Variants in CBLN2 observed in about 807,000 individuals in gnomAD.
The protein encoded by CBLN2 is cerebellin 2 precursor, also known as cerebellin-2.
Under a neutral mutation model 15.0 loss-of-function variants are expected in CBLN2, and 7 were observed. The ratio of observed to expected loss-of-function variants is 0.47; its 90% CI spans 0.27 to 0.88. CBLN2 has a LOEUF of 0.88. Ranked by LOEUF, CBLN2 falls within the 40% of genes least tolerant of loss-of-function variation. CBLN2 has a pLI of 0.14. For missense variants in CBLN2, 242 were observed against 304.5 expected (o/e 0.79, Z 1.53); for synonymous variants, 149 against 135.2 (o/e 1.10, Z -0.71).
chr18:72,622,782 G>A (rs1186475927), intron 1 of CBLN2, among the ~76,000 whole-genome samples: 1 of 152,100 alleles, frequency 6.6e-6, no homozygotes, highest in Non-Finnish European at 1.5e-5. Context: ...AGGTCTCAAT[G>A]GAAAACCGTG....
At chr18:72,585,693 C>T (rs934211962) in intron 1 of CBLN2, among the ~76,000 whole-genome samples, 1 of 152,330 alleles carries the variant, frequency 6.6e-6, no homozygotes, top group East Asian at 1.9e-4. Flanking sequence ...CCCCTTTCCA[C>T]CCAGAAGCCT....
chr18:72,575,608 G>A (rs999292204), intron 1 of CBLN2, among the ~76,000 whole-genome samples: 2 of 152,162 alleles, frequency 1.3e-5, no homozygotes, highest in Non-Finnish European at 2.9e-5. Context: ...CCCTGTTTCA[G>A]AGGGCTGCCG....
intron 1 of CBLN2, among the ~76,000 whole-genome samples, chr18:72,563,015 T>A (rs1246840404): frequency 2.0e-5 from 3 of 152,236 alleles, no homozygotes; most frequent in Non-Finnish European, 2.9e-5. Flanking sequence ...TTTGTCTTAA[T>A]ATTTAGAGAA....
upstream of CBLN2, among the ~76,000 whole-genome samples, chr18:72,549,085 C>A (rs2069176648): frequency 6.6e-6 from 1 of 152,118 alleles, no homozygotes; most frequent in African/African-American, 2.4e-5. Flanking sequence ...AATCTCAGCT[C>A]ACTGCAGCCT....
At chr18:72,560,282 A>G (rs955753014) in intron 1 of CBLN2, among the ~76,000 whole-genome samples, 13 of 152,224 alleles carry the variant, frequency 8.5e-5, no homozygotes, top group African/African-American at 2.4e-4. Flanking sequence ...TGCACGTAGG[A>G]AAATAATTCT....
At chr18:72,567,943 C>T (rs1203615220) in intron 1 of CBLN2, among the ~76,000 whole-genome samples, 1 of 152,090 alleles carries the variant, frequency 6.6e-6, no homozygotes, top group Non-Finnish European at 1.5e-5. Flanking sequence ...GAAATAAAAG[C>T]CTATAATAAA....
At chr18:72,606,449 A>G (rs1352942102) in intron 1 of CBLN2, among the ~76,000 whole-genome samples, 2 of 152,202 alleles carry the variant, frequency 1.3e-5, no homozygotes, top group Non-Finnish European at 2.9e-5. Context: ...AAGCCCTAAG[A>G]TATAGACATA....
At chr18:72,555,176 GA>G (rs375146757) in intron 1 of CBLN2, among the ~76,000 whole-genome samples, 2 of 150,948 alleles carry the variant, frequency 1.3e-5, no homozygotes, top group Non-Finnish European at 3.0e-5. Flanking sequence ...GAGAGAGAGG[GA>G]AAAAAAAGCA....
chr18:72,574,815 T>A (rs768512751), intron 1 of CBLN2, among the ~76,000 whole-genome samples: 2 of 152,214 alleles, frequency 1.3e-5, no homozygotes, highest in Admixed American at 6.5e-5. Flanking sequence ...ATGTCATGAT[T>A]ACCATGAATC....
chr18:72,542,910 C>A (rs1307524130), intron 2 of CBLN2: 1 of 2,170 alleles, frequency 4.6e-4, no homozygotes, highest in Non-Finnish European at 1.1e-3. Flanking sequence ...GAAATGACAC[C>A]ACACACACAC....
intron 1 of CBLN2, among the ~76,000 whole-genome samples, chr18:72,596,681 C>T (rs1222529746): frequency 6.6e-6 from 1 of 152,124 alleles, no homozygotes; most frequent in Non-Finnish European, 1.5e-5. Context: ...GATATTTTTA[C>T]TGGATGTACT....
intron 1 of CBLN2, among the ~76,000 whole-genome samples, chr18:72,617,380 G>T (rs1006038149): frequency 1.3e-5 from 2 of 152,090 alleles, no homozygotes; most frequent in Middle Eastern, 3.2e-3. Context: ...ATGTAAATGT[G>T]TATGCTATAT....
At chr18:72,620,502 G>A (rs1232705581) in intron 1 of CBLN2, 1 of 152,280 alleles carries the variant, frequency 6.6e-6, no homozygotes, top group Non-Finnish European at 1.5e-5. Flanking sequence ...CTGAAGTCAA[G>A]TTTCTTCTTT....
At chr18:72,599,957 G>A (rs984231221) in intron 1 of CBLN2, among the ~76,000 whole-genome samples, 2 of 152,204 alleles carry the variant, frequency 1.3e-5, no homozygotes, top group Admixed American at 6.5e-5. Context: ...GAAGCTTGGA[G>A]AGTGGGACTG....
At chr18:72,619,652 G>A (rs553426418) in intron 1 of CBLN2, among the ~76,000 whole-genome samples, 25 of 152,216 alleles carry the variant, frequency 1.6e-4, no homozygotes, top group African/African-American at 6.0e-4. Flanking sequence ...TTGTACGATT[G>A]TTTTTTGCCC....
intron 1 of CBLN2, chr18:72,638,322 T>C (rs1382203705): frequency 7.5e-6 from 3 of 398,484 alleles, no homozygotes; most frequent in Non-Finnish European, 1.3e-5. Context: ...TTTTAACACG[T>C]ACCTTGTCCC....
chr18:72,625,680 T>TTA (rs1445796217), intron 1 of CBLN2, among the ~76,000 whole-genome samples: 1 of 124,118 alleles, frequency 8.1e-6, no homozygotes, highest in Non-Finnish European at 1.6e-5. Flanking sequence ...TATTATAGTA[T>TTA]TATTATATAT....
chr18:72,567,690 T>C (rs574299948), intron 1 of CBLN2, among the ~76,000 whole-genome samples: 1 of 152,320 alleles, frequency 6.6e-6, no homozygotes, highest in African/African-American at 2.4e-5. Context: ...TTTCCTTTTC[T>C]CTTTCTCTTC....
chr18:72,565,431 G>A (rs200813673), intron 1 of CBLN2, among the ~76,000 whole-genome samples: 1 of 151,930 alleles, frequency 6.6e-6, no homozygotes. Flanking sequence ...AAATAAAAAT[G>A]GTCAACAATA....
Sources: allele counts gnomAD v4.1 joint callset (sites outside exome capture counted in the v4.1 genomes callset), GRCh38; gene constraint gnomAD v4.1.1; transcripts MANE v1.5; gene names NCBI Gene and HGNC (gene_info 2026-07-23, HGNC 2026-07-21).